Variants in RTN1 observed in about 807,000 individuals in gnomAD.
The protein encoded by RTN1 is reticulon 1.
In RTN1, 25 loss-of-function variants were observed where a neutral mutation model predicts 65.5. The observed-to-expected ratio is 0.38, with a 90% CI of 0.28 to 0.53. The LOEUF is 0.53. RTN1 is among the 20% of genes least tolerant of loss of function. The pLI is 0.79. For missense variants in RTN1, 983 were observed against 1,025.4 expected (o/e 0.96, Z 0.57); for synonymous variants, 471 against 447.6 (o/e 1.05, Z -0.66).
chr14:59,854,575 A>T (rs1050484987), intron 1 of RTN1, among the ~76,000 whole-genome samples: 1 of 131,878 alleles, frequency 7.6e-6, no homozygotes, highest in South Asian at 2.6e-4. Flanking sequence ...CAGGAGGTGG[A>T]GGCTGCAGTG....
chr14:59,737,500 A>G (rs947904356), intron 2 of RTN1, among the ~76,000 whole-genome samples: 2 of 152,218 alleles, frequency 1.3e-5, no homozygotes, highest in South Asian at 2.1e-4. Context: ...CAACTGCCCA[A>G]AGAAATCAGA....
chr14:59,598,545 AC>A (rs1881479479), intron 8 of RTN1, among the ~76,000 whole-genome samples: 1 of 152,156 alleles, frequency 6.6e-6, no homozygotes, highest in East Asian at 1.9e-4. Flanking sequence ...GGGTCACAGG[AC>A]CAGAAGGGAG....
chr14:59,608,839 G>A (rs1881849663), intron 3 of RTN1, among the ~76,000 whole-genome samples: 1 of 152,100 alleles, frequency 6.6e-6, no homozygotes, highest in South Asian at 2.1e-4. Context: ...ATGTTTTGGG[G>A]GTGAAACAGA....
rs370328594 is a variant in RTN1 at position 59,689,565 on chromosome 14, T to A, written c.1765+37354A>T. 2.0e-5 allele frequency among the ~76,000 whole-genome samples: 3 copies of A among 151,930 alleles called. No homozygotes were observed. In the East Asian group the frequency reaches 5.8e-4, roughly 29 times the overall value. ...TCTTAAAGCCAGCTGGAAAAAAGGGTCAGAACATGTATAAAGAGAACCCCA... is the reference window on the plus strand; with the variant it reads ...TCTTAAAGCCAGCTGGAAAAAAGGGACAGAACATGTATAAAGAGAACCCCA... On this transcript the variant is annotated intron_variant, in intron 3 of 8. Transcript: ENST00000267484.
intron 3 of RTN1, among the ~76,000 whole-genome samples, chr14:59,639,277 A>G (rs1882727994): frequency 6.6e-6 from 1 of 152,240 alleles, no homozygotes; most frequent in Non-Finnish European, 1.5e-5. Flanking sequence ...AACAGTTGTC[A>G]TAACTAGAAA....
At chr14:59,691,586 A>G (rs966541338) in intron 3 of RTN1, among the ~76,000 whole-genome samples, 1 of 152,126 alleles carries the variant, frequency 6.6e-6, no homozygotes, top group Non-Finnish European at 1.5e-5. Flanking sequence ...CATTCTATAA[A>G]GACACCATCA....
chr14:59,610,650 T>C (rs1881919141), intron 3 of RTN1, among the ~76,000 whole-genome samples: 1 of 152,200 alleles, frequency 6.6e-6, no homozygotes, highest in Non-Finnish European at 1.5e-5. Context: ...TAGGAGAAAT[T>C]TAGTTTATAG....
In RTN1 at chr14:59,766,833, A is replaced by G. The variant is rs569125921; in HGVS notation, c.242-20352T>C. 5.9e-5 allele frequency among the ~76,000 whole-genome samples: 9 copies of G among 152,318 alleles called. No homozygotes were observed. The South Asian group carries it at 1.9e-3, about 32-fold the overall frequency. ...AGTAGATATTTGCTAACATTATGAG[A>G]ATTGTGAAGACAAGACAAATATAAT... On this transcript the variant is annotated intron_variant, in intron 1 of 8. Coordinates refer to ENST00000267484, the MANE Select transcript of RTN1 (RefSeq NM_021136.3). This position sits in a 1 kb window ranked among gnomAD's most constrained non-coding sequence, Gnocchi z 4.4.
rs913160882 is a variant in RTN1, at chr14:59,849,459, T to C, written c.241+20931A>G. Among the ~76,000 whole-genome samples, 4 of 152,158 alleles carry C rather than the reference T, an allele frequency of 2.6e-5. No individual in the cohort carries two copies. Among genetic ancestry groups the C allele is most frequent in the Admixed American group, 2.0e-4 (3 of 15,276 alleles). The stretch of plus-strand genomic sequence containing the variant: ...ATGCATAAGAGAAAAAGTATATAAA[T>C]ACACCCCTATATCTGAGGGAAAACC... On this transcript the variant is annotated intron_variant, in intron 1 of 8. Coordinates refer to ENST00000267484, the MANE Select transcript of RTN1 (RefSeq NM_021136.3). This position sits in a 1 kb window ranked among gnomAD's most constrained non-coding sequence, Gnocchi z 4.5.
chr14:59,679,039 G>A (rs899786665), intron 3 of RTN1, among the ~76,000 whole-genome samples: 5 of 152,282 alleles, frequency 3.3e-5, no homozygotes, highest in African/African-American at 1.2e-4. Flanking sequence ...GAATCCTCTT[G>A]GCTCCTGGCA....
At chr14:59,841,904 A>G (rs1000036537) in intron 1 of RTN1, among the ~76,000 whole-genome samples, 2 of 152,130 alleles carry the variant, frequency 1.3e-5, no homozygotes, top group African/African-American at 4.8e-5. Context: ...AGGCGGGTAG[A>G]TCACCTGAGG....
chr14:59,776,986 A>G, intron 1 of RTN1, among the ~76,000 whole-genome samples: 1 of 152,204 alleles, frequency 6.6e-6, no homozygotes, highest in South Asian at 2.1e-4. Context: ...ACTAAAAATA[A>G]TCCACCTACC....
chr14:59,659,183 G>GA (rs918446666), intron 3 of RTN1, among the ~76,000 whole-genome samples: 133 of 139,372 alleles, frequency 9.5e-4, no homozygotes, highest in Admixed American at 1.9e-3. Context: ...CAAGATTAGA[G>GA]AAAAAAAAAA....
At chr14:59,821,318 T>C (rs1190064343) in intron 1 of RTN1, among the ~76,000 whole-genome samples, 2 of 152,218 alleles carry the variant, frequency 1.3e-5, no homozygotes, top group Admixed American at 1.3e-4. Context: ...AGCTTGGATG[T>C]TGTTGGTCTA....
chr14:59,607,488 A>T lies in RTN1; in HGVS notation c.1770T>A (p.Ile590=), dbSNP rs527699682. 2.5e-6 allele frequency: 4 copies of T among 1,604,562 alleles called. No individual in the cohort carries two copies. In the East Asian group the frequency reaches 9.0e-5, roughly 36 times the overall value. ...PLLFLNKQKA[I]DLLYWRDIKQ... ...TGATGTCCCGCCAATACAACAGGTC[A>T]ATAGCTGCAGGAGACACCAAACACA... Residue 590 remains isoleucine, a synonymous_variant, in exon 4 of 9, where the codon ATT becomes ATA. Coordinates refer to ENST00000267484, the MANE Select transcript of RTN1 (RefSeq NM_021136.3).
chr14:59,776,875 G>A (rs1886061281), intron 1 of RTN1, among the ~76,000 whole-genome samples: 1 of 152,174 alleles, frequency 6.6e-6, no homozygotes, highest in Admixed American at 6.5e-5. Context: ...GTTTCAATCT[G>A]ACTGGATTGG....
In RTN1 at chr14:59,849,560, T is replaced by C. The variant is rs1406634431; in HGVS notation, c.241+20830A>G. Among the ~76,000 whole-genome samples the C allele has an allele frequency of 6.6e-6, 1 of 152,104 alleles. No individual in the cohort carries two copies. The highest frequency in any genetic ancestry group is 1.5e-5 in the Non-Finnish European group (1 of 68,016). On this transcript the variant is annotated intron_variant, in intron 1 of 8. Coordinates refer to ENST00000267484, the MANE Select transcript of RTN1 (RefSeq NM_021136.3). The surrounding 1 kb of genome is among the most constrained non-coding windows in gnomAD (Gnocchi z 4.5). ...AAATCCCCATACTGAGGAAGGAACA[T>C]TTCAGCCCACAGGCCTGACTCAGCC... is the stretch of plus-strand genomic sequence containing the variant.
At chr14:59,797,482 A>G (rs1190365340) in intron 1 of RTN1, among the ~76,000 whole-genome samples, 42 of 152,154 alleles carry the variant, frequency 2.8e-4, no homozygotes, top group Admixed American at 2.7e-3. Context: ...CTTTCTCTTT[A>G]GTTATTCAAA....
intron 1 of RTN1, among the ~76,000 whole-genome samples, chr14:59,844,785 GAAAACATATA>G (rs1477822136): frequency 6.6e-6 from 1 of 152,090 alleles, no homozygotes; most frequent in Non-Finnish European, 1.5e-5. Context: ...ACGACTTAGG[GAAAACATATA>G]AATAAATCTT....
Sources: allele counts gnomAD v4.1 joint callset (sites outside exome capture counted in the v4.1 genomes callset), GRCh38; gene constraint gnomAD v4.1.1; non-coding constraint Gnocchi (gnomAD v3.1); transcripts MANE v1.5; gene names NCBI Gene and HGNC (gene_info 2026-07-23, HGNC 2026-07-21).